Variants in PTK2 observed in about 807,000 individuals in gnomAD.
PTK2 encodes the protein protein tyrosine kinase 2.
A neutral mutation model predicts 150.1 loss-of-function variants in PTK2; 45 were observed. That is an observed-to-expected ratio of 0.30 (90% CI 0.24 to 0.38). The LOEUF is 0.38. Ranked by LOEUF, PTK2 falls within the 10% of genes least tolerant of loss-of-function variation. PTK2 has a pLI of 1.00. For missense variants in PTK2, 919 were observed against 1,307.3 expected (o/e 0.70, Z 4.58); for synonymous variants, 432 against 449.2 (o/e 0.96, Z 0.48).
intron 10 of PTK2, among the ~76,000 whole-genome samples, chr8:140,810,202 T>C (rs1465194932): frequency 6.6e-6 from 1 of 152,162 alleles, no homozygotes; most frequent in African/African-American, 2.4e-5. Context: ...GAGAGCTGCT[T>C]AGAGAAGTGC....
chr8:140,701,378 A>G (rs1462180970), intron 25 of PTK2, among the ~76,000 whole-genome samples: 1 of 152,196 alleles, frequency 6.6e-6, no homozygotes, highest in Non-Finnish European at 1.5e-5. Flanking sequence ...TTAAATATTA[A>G]ATAAAAGAAC....
chr8:140,786,200 A>C (rs1044585439), intron 14 of PTK2, among the ~76,000 whole-genome samples: 13 of 152,214 alleles, frequency 8.5e-5, no homozygotes, highest in African/African-American at 2.9e-4. Context: ...TAAATGAAGT[A>C]TCGTATGACA....
intron 1 of PTK2, among the ~76,000 whole-genome samples, chr8:140,975,998 G>A (rs986571123): frequency 2.0e-5 from 3 of 152,184 alleles, no homozygotes; most frequent in Non-Finnish European, 4.4e-5. Context: ...ACTTACGTCT[G>A]TTAAAGATAC....
intron 22 of PTK2, among the ~76,000 whole-genome samples, chr8:140,725,458 A>T (rs2100045186): frequency 6.6e-6 from 1 of 152,248 alleles, no homozygotes; most frequent in Non-Finnish European, 1.5e-5. Flanking sequence ...GGGAGCTGTC[A>T]TGAGAAGGAA....
At chr8:140,925,325 G>A (rs983086670) in intron 2 of PTK2, among the ~76,000 whole-genome samples, 7 of 151,938 alleles carry the variant, frequency 4.6e-5, no homozygotes, top group South Asian at 2.1e-4. Context: ...AAATAACTTC[G>A]ACAGTTTTAC....
chr8:140,675,388 A>G, intron 28 of PTK2, 72 bp downstream of exon 31: 1 of 1,504,306 alleles, frequency 6.6e-7, no homozygotes, highest in African/African-American at 1.4e-5. Context: ...AAGCTACGAC[A>G]CTATATACAT....
At chr8:140,952,642 A>G (rs567942572) in intron 1 of PTK2, among the ~76,000 whole-genome samples, 1 of 152,346 alleles carries the variant, frequency 6.6e-6, no homozygotes, top group South Asian at 2.1e-4. Flanking sequence ...AATTATCATG[A>G]ATTCTGACTC....
At chr8:140,769,740 G>C in intron 14 of PTK2, 148 bp from the exon 16 acceptor site, 1 of 374,894 alleles carries the variant, frequency 2.7e-6, no homozygotes, top group East Asian at 7.5e-5. Flanking sequence ...TTACCCCCCA[G>C]GGTTTAATTC....
At chr8:140,984,071 C>T (rs761808721) in intron 1 of PTK2, 10 of 155,926 alleles carry the variant, frequency 6.4e-5, no homozygotes, top group Middle Eastern at 4.3e-3. Flanking sequence ...AGGGCAATTG[C>T]TTGAACCTGG....
chr8:140,893,061 C>T (rs749865554), intron 2 of PTK2, among the ~76,000 whole-genome samples: 7 of 152,224 alleles, frequency 4.6e-5, no homozygotes, highest in Non-Finnish European at 8.8e-5. Flanking sequence ...GGCATAGTGG[C>T]TCATGCCTGT....
chr8:140,972,192 A>G (rs2100187543), intron 1 of PTK2, among the ~76,000 whole-genome samples: 1 of 152,092 alleles, frequency 6.6e-6, no homozygotes, highest in African/African-American at 2.4e-5. Flanking sequence ...TCCCCTAAAA[A>G]AAAATCCATT....
chr8:141,001,766 C>G (rs2100200319), upstream of PTK2, among the ~76,000 whole-genome samples: 1 of 152,244 alleles, frequency 6.6e-6, no homozygotes, highest in Non-Finnish European at 1.5e-5. Context: ...GGCCCCGGGC[C>G]TTGCAGTGCA....
At chr8:140,865,196 A>C (rs2100138584) in intron 4 of PTK2, among the ~76,000 whole-genome samples, 1 of 152,268 alleles carries the variant, frequency 6.6e-6, no homozygotes, top group Admixed American at 6.5e-5. Context: ...CTTTTTGGTC[A>C]TTTTGACTAT....
At chr8:140,885,727 C>T (rs1568180239) in intron 3 of PTK2, among the ~76,000 whole-genome samples, 2 of 151,974 alleles carry the variant, frequency 1.3e-5, no homozygotes, top group African/African-American at 4.8e-5. Flanking sequence ...TTAAGCAAAT[C>T]ACTGATTCGG....
intron 8 of PTK2, among the ~76,000 whole-genome samples, chr8:140,827,408 G>A (rs1430848951): frequency 6.6e-6 from 1 of 152,052 alleles, no homozygotes; most frequent in Non-Finnish European, 1.5e-5. Context: ...TGATACCCAG[G>A]TACAGCTCAA....
intron 15 of PTK2, among the ~76,000 whole-genome samples, chr8:140,763,517 TTC>T (rs1217533989): frequency 1.3e-5 from 2 of 152,116 alleles, no homozygotes; most frequent in Admixed American, 1.3e-4. Context: ...AGAAATAAAT[TTC>T]TTTTTGCAAA....
chr8:140,917,189 G>T (rs183933614), intron 2 of PTK2, among the ~76,000 whole-genome samples: 1 of 152,054 alleles, frequency 6.6e-6, no homozygotes, highest in Admixed American at 6.6e-5. Flanking sequence ...TCAGGAGTTC[G>T]AGACCAGCCT....
At chr8:140,960,187 CTTTTTTTTTTTTT>C (rs371999950) in intron 1 of PTK2, among the ~76,000 whole-genome samples, 15 of 72,348 alleles carry the variant, frequency 2.1e-4, no homozygotes, top group African/African-American at 7.5e-4. Context: ...CAATTTTAAA[CTTTTTTTTTTTTT>C]TTTTTTTTTT....
intron 5 of PTK2, among the ~76,000 whole-genome samples, chr8:140,856,385 A>G (rs2100132625): frequency 6.6e-6 from 1 of 152,138 alleles, no homozygotes; most frequent in Admixed American, 6.6e-5. Flanking sequence ...ACAAAACAAA[A>G]CAAAACAAAA....
Sources: allele counts gnomAD v4.1 joint callset (sites outside exome capture counted in the v4.1 genomes callset), GRCh38; gene constraint gnomAD v4.1.1; transcripts MANE v1.5; gene names NCBI Gene and HGNC (gene_info 2026-07-23, HGNC 2026-07-21).